NR4A3: variants seen among roughly 807,000 people sequenced by gnomAD.
The protein encoded by NR4A3 is nuclear receptor subfamily 4 group A member 3.
Under a neutral mutation model 55.6 loss-of-function variants are expected in NR4A3, and 13 were observed. The observed-to-expected ratio is 0.23, with a 90% confidence interval of 0.15 to 0.37. The LOEUF is 0.37. NR4A3 is among the 10% of genes least tolerant of loss of function. The pLI is 1.00. For synonymous variants in NR4A3, 342 were observed against 357.9 expected, an observed-to-expected ratio of 0.96 and a Z score of 0.50; for missense variants, 646 against 822.8, an observed-to-expected ratio of 0.79 and a Z score of 2.63.
chr9:99,866,406 C>G lies in NR4A3; in HGVS notation c.*2539C>G. The G allele has an allele frequency of 9.0e-6, 2 of 223,420 alleles. No homozygotes were observed. The highest frequency in any genetic ancestry group is 1.4e-3 in the Middle Eastern group (1 of 734). The allele number at this position is 223,420 out of a possible 1,614,324, so 13.8% of individuals were successfully genotyped here. On this transcript the variant is annotated 3_prime_UTR_variant, in exon 8 of 8. Transcript: ENST00000395097. ...CAGATTTAAGGAAAAGACTTTTTAG[C>G]CATTATAATCTAGTGGTTGGAAGGA...
At chr9:99,833,772 A>T in intron 5 of NR4A3, 1 of 1,368,598 alleles carries the variant, frequency 7.3e-7, no homozygotes, top group Non-Finnish European at 9.5e-7. Flanking sequence ...TTATCTCGTG[A>T]TCTAGACAAA....
At chr9:99,831,915 T>C (rs1827450543) in intron 3 of NR4A3, among the ~76,000 whole-genome samples, 2 of 152,200 alleles carry the variant, frequency 1.3e-5, no homozygotes. Flanking sequence ...ACTGTGTCTA[T>C]GTCAATAGAC....
intron 5 of NR4A3, among the ~76,000 whole-genome samples, chr9:99,844,056 G>A (rs906968353): frequency 3.5e-5 from 4 of 115,784 alleles, no homozygotes; most frequent in African/African-American, 1.3e-4. Flanking sequence ...ATGAGCCACC[G>A]CCCAGGCCGA....
intron 5 of NR4A3, among the ~76,000 whole-genome samples, chr9:99,843,535 T>C (rs1827691732): frequency 6.6e-6 from 1 of 152,148 alleles, no homozygotes; most frequent in Non-Finnish European, 1.5e-5. Flanking sequence ...GACAGTTTGG[T>C]GGGCCAGGCA....
At chr9:99,850,914 C>T (rs917231444) in intron 7 of NR4A3, among the ~76,000 whole-genome samples, 1 of 152,194 alleles carries the variant, frequency 6.6e-6, no homozygotes, top group Admixed American at 6.5e-5. Flanking sequence ...AAGCATCAAA[C>T]TCAGTGGCAT....
intron 7 of NR4A3, among the ~76,000 whole-genome samples, chr9:99,860,035 A>G (rs1309394310): frequency 1.3e-5 from 2 of 152,194 alleles, no homozygotes. Flanking sequence ...TTTTAACATT[A>G]TTATACAAAG....
intron 2 of NR4A3, chr9:99,826,910 C>CAA: frequency 9.0e-7 from 1 of 1,112,136 alleles, no homozygotes; most frequent in Non-Finnish European, 1.3e-6. Context: ...TCCTTTGGCT[C>CAA]AGAAAAACCA....
chr9:99,844,485 A>T (rs1827718441), intron 5 of NR4A3, among the ~76,000 whole-genome samples, 164 bp from the exon 6 acceptor site: 1 of 152,252 alleles, frequency 6.6e-6, no homozygotes, highest in Non-Finnish European at 1.5e-5. Flanking sequence ...TCACAGGGCC[A>T]TTGTGAGAAT....
At chr9:99,848,163 T>C (rs1478788424) in intron 7 of NR4A3, among the ~76,000 whole-genome samples, 2 of 152,170 alleles carry the variant, frequency 1.3e-5, no homozygotes, top group Non-Finnish European at 2.9e-5. Flanking sequence ...ACCCAGCCCA[T>C]TCCTGTGGAG....
At chr9:99,837,297 C>A (rs1375862917) in intron 5 of NR4A3, among the ~76,000 whole-genome samples, 1 of 152,104 alleles carries the variant, frequency 6.6e-6, no homozygotes, top group African/African-American at 2.4e-5. Context: ...ATAATACCTT[C>A]CTTCTTAAAG....
chr9:99,844,728 T>C lies in NR4A3; in HGVS notation c.1334T>C (p.Ile445Thr), dbSNP rs780694635. 3.1e-6 allele frequency: 5 copies of C among 1,614,164 alleles called. No homozygotes were observed. Among genetic ancestry groups the C allele is most frequent in the Non-Finnish European group, 4.2e-6 (5 of 1,179,994 alleles). The change falls in exon 6 of 8, where the codon ATT becomes ACT. Residue 445 changes from isoleucine to threonine, a missense_variant. Physicochemically the swap from Ile to Thr is moderately conservative, Grantham distance 89. Around this residue, in one of 5 missense-constraint regions of NR4A3, gnomAD observed 163 missense variants for 233.0 expected, o/e 0.70. Coordinates refer to ENST00000395097, the MANE Select transcript of NR4A3 (RefSeq NM_006981.4). ...QQFYNLLTAS[I>T]DVSRSWAEKI... ...TTCTACAACCTCCTGACAGCCTCCA[T>C]TGATGTATCCAGAAGCTGGGCAGAA... is the stretch of plus-strand genomic sequence containing the variant.
intron 7 of NR4A3, among the ~76,000 whole-genome samples, chr9:99,848,817 G>T (rs1827800364): frequency 1.3e-5 from 2 of 152,316 alleles, no homozygotes; most frequent in South Asian, 2.1e-4. Context: ...GGCCATGGAG[G>T]CCCTTGCCCC....
intron 5 of NR4A3, among the ~76,000 whole-genome samples, chr9:99,843,594 G>C (rs1334226992): frequency 6.6e-6 from 1 of 152,124 alleles, no homozygotes; most frequent in Admixed American, 6.5e-5. Context: ...TGAGACAGAA[G>C]AATTGCTTGA....
rs117688423 is a variant in NR4A3, at chr9:99,838,212, A to T, written c.1254+4758A>T. On this transcript the variant is annotated intron_variant, in intron 5 of 7. Transcript: ENST00000395097. The stretch of plus-strand genomic sequence containing the variant: ...CCTGCATAATTACTAATGAGAAAAC[A>T]TACTTAGTGTCCTCATTAGTTGATC... 1.2e-4 allele frequency among the ~76,000 whole-genome samples: 18 copies of T among 152,382 alleles called. No homozygotes were observed. In the East Asian group the frequency reaches 3.5e-3, roughly 29 times the overall value.
chr9:99,833,371 C>T lies in NR4A3; in HGVS notation c.1171C>T (p.Pro391Ser), dbSNP rs751759271. 6.2e-7 allele frequency: 1 copy of T among 1,614,176 alleles called. No individual in the cohort carries two copies. The highest frequency in any genetic ancestry group is 1.7e-5 in the Admixed American group (1 of 60,024). ...ACAACAGGAACCTTCTCAGCCCTCTCCACCTTCTCCTCCAATCTGCATGAT... is the reference window on the plus strand; with the variant it reads ...ACAACAGGAACCTTCTCAGCCCTCTTCACCTTCTCCTCCAATCTGCATGAT... ...PLQQEPSQPSPPSPPICMMNA... is the reference protein window; with the variant it reads ...PLQQEPSQPSSPSPPICMMNA... Residue 391 changes from proline (P) to serine (S), a missense_variant, in exon 5 of 8, where the codon CCA becomes TCA. By Grantham distance (74) the Pro-to-Ser change is moderately conservative. Around this residue, in one of 5 missense-constraint regions of NR4A3, gnomAD observed 163 missense variants for 233.0 expected, o/e 0.70. Coordinates refer to ENST00000395097, the MANE Select transcript of NR4A3 (RefSeq NM_006981.4).
Position 99,841,860 on chromosome 9 carries a change from C to T in NR4A3, c.1255-2789C>T, listed in dbSNP as rs150961157. 6.8e-3 allele frequency among the ~76,000 whole-genome samples: 1,040 copies of T among 152,282 alleles called. 8 individuals carry two copies. The highest frequency in any genetic ancestry group is 0.013 in the Admixed American group (198 of 15,302). On this transcript the variant is annotated intron_variant, in intron 5 of 7. Coordinates refer to ENST00000395097, the MANE Select transcript of NR4A3 (RefSeq NM_006981.4). ...TGGTTCCTGCCTGTGGTTCCAGCTA[C>T]TCAAGAGGCTGAGGTGGGAGGATCG...
chr9:99,857,505 G>A (rs948197195), intron 7 of NR4A3, among the ~76,000 whole-genome samples: 4 of 152,096 alleles, frequency 2.6e-5, no homozygotes, highest in Non-Finnish European at 5.9e-5. Context: ...AAGTGGTCGA[G>A]GCCAGGGGTG....
chr9:99,827,590 G>T (rs1327672591), intron 2 of NR4A3, among the ~76,000 whole-genome samples: 1 of 152,146 alleles, frequency 6.6e-6, no homozygotes, highest in South Asian at 2.1e-4. Context: ...CCTAACTCAG[G>T]TTTACAAATC....
At chr9:99,834,866 A>C (rs1042486823) in intron 5 of NR4A3, 19 of 984,282 alleles carry the variant, frequency 1.9e-5, no homozygotes, top group Non-Finnish European at 2.3e-5. Context: ...TCTGATTATA[A>C]GTAGTGGCTC....
Sources: gnomAD v4.1 joint callset for allele counts (sites outside exome capture counted in the v4.1 genomes callset) on GRCh38, gnomAD v4.1.1 for gene constraint, gnomAD v4.1.1 regional missense constraint, MANE v1.5 for transcripts, NCBI Gene and HGNC (gene_info 2026-07-23, HGNC 2026-07-21) for gene names.